ZC4H2: variants seen among roughly 807,000 people sequenced by gnomAD.
ZC4H2 encodes zinc finger C4H2-type containing.
For missense variants in ZC4H2, 137 were observed against 173.9 expected, an observed-to-expected ratio of 0.79 and a Z score of 1.19; for synonymous variants, 84 against 66.3, an observed-to-expected ratio of 1.27 and a Z score of -1.30.
intron 1 of ZC4H2, among the ~76,000 whole-genome samples, chrX:65,009,779 C>A (rs1383593446): frequency 9.0e-6 from 1 of 111,676 alleles, no homozygotes; most frequent in Admixed American, 9.5e-5. Context: ...GGGTAACCAA[C>A]ATAAATGTGA....
At chrX:64,975,263 T>A (rs1040147569) in intron 1 of ZC4H2, among the ~76,000 whole-genome samples, 3 of 110,762 alleles carry the variant, frequency 2.7e-5, no homozygotes, top group African/African-American at 9.9e-5. Flanking sequence ...TTCCCTTCCT[T>A]TACCTCTCCT....
chrX:64,961,849 G>T (rs1192672185), intron 1 of ZC4H2, among the ~76,000 whole-genome samples: 9 of 111,107 alleles, frequency 8.1e-5, no homozygotes, highest in Middle Eastern at 4.6e-3. Context: ...CATACAATCT[G>T]GCAAGACTGA....
intron 1 of ZC4H2, among the ~76,000 whole-genome samples, chrX:65,025,606 C>T (rs779811681): frequency 1.8e-5 from 2 of 111,287 alleles, no homozygotes; most frequent in African/African-American, 6.5e-5. Context: ...CCAACCAATG[C>T]CCCAAAATAT....
intron 1 of ZC4H2, 95 bp from the exon 2 acceptor site, chrX:64,922,083 T>TC (rs1319027617): frequency 8.9e-7 from 1 of 1,126,958 alleles, no homozygotes. Context: ...TTTACAAGCT[T>TC]CCCCCTCTCC....
chrX:65,012,950 C>T (rs748755296), intron 1 of ZC4H2, among the ~76,000 whole-genome samples: 2 of 111,398 alleles, frequency 1.8e-5, no homozygotes, highest in African/African-American at 6.5e-5. Flanking sequence ...CAGAAATGCT[C>T]GACAAATTTT....
intron 1 of ZC4H2, among the ~76,000 whole-genome samples, chrX:64,923,154 A>C (rs1412313373): frequency 8.9e-6 from 1 of 112,088 alleles, no homozygotes; most frequent in Non-Finnish European, 1.9e-5. Context: ...TGTGACATAG[A>C]AAATGTTGAA....
chrX:64,963,892 T>C (rs1207728335), intron 1 of ZC4H2, among the ~76,000 whole-genome samples: 1 of 111,634 alleles, frequency 9.0e-6, no homozygotes, highest in Non-Finnish European at 1.9e-5. Context: ...AGTCCTACAA[T>C]ATGAGATAAC....
intron 1 of ZC4H2, among the ~76,000 whole-genome samples, chrX:64,971,104 G>A (rs1278650261): frequency 8.9e-6 from 1 of 112,140 alleles, no homozygotes; most frequent in Admixed American, 9.4e-5. Flanking sequence ...TTTTAAAAAA[G>A]GTTTTTTAAA....
chrX:64,946,603 AC>A, intron 1 of ZC4H2, among the ~76,000 whole-genome samples: 1 of 110,314 alleles, frequency 9.1e-6, no homozygotes, highest in Non-Finnish European at 1.9e-5. Context: ...ACACACACAC[AC>A]ACACACACAC....
chrX:64,934,378 T>G (rs745532849), intron 1 of ZC4H2, among the ~76,000 whole-genome samples: 1 of 112,550 alleles, frequency 8.9e-6, no homozygotes, highest in African/African-American at 3.2e-5. Flanking sequence ...TTCTCTAATA[T>G]ATTGTGGGTG....
Position 64,976,357 on chromosome X carries a change from G to C in ZC4H2, c.21C>G (p.Ile7Met). 8.3e-7 allele frequency: 1 copy of C among 1,211,895 alleles called. No individual in the cohort carries two copies. Among genetic ancestry groups the C allele is most frequent in the Non-Finnish European group, 1.1e-6 (1 of 895,462 alleles). Residue 7 changes from isoleucine to methionine, a missense_variant, in exon 1 of 5, where the codon ATC (isoleucine) becomes ATG (methionine). Coordinates refer to ENST00000374839, the MANE Select transcript of ZC4H2 (RefSeq NM_018684.4). ...CTTTAATGCTTTCCAATTTGCACAT[G>C]ATTTCTTGCTCATCTGCCATACTTT... MADEQE[I>M]MCKLESIKEI... is the part of the protein sequence containing the mutation.
chrX:64,949,776 T>C (rs1569212623), intron 1 of ZC4H2, among the ~76,000 whole-genome samples: 1 of 111,640 alleles, frequency 9.0e-6, no homozygotes, highest in African/African-American at 3.3e-5. Flanking sequence ...CCATCAATTT[T>C]GTTGTACTTT....
intron 1 of ZC4H2, among the ~76,000 whole-genome samples, chrX:64,928,829 CCTCCTCCTCCTT>C (rs1380867531): frequency 2.0e-5 from 2 of 99,980 alleles, no homozygotes; most frequent in Non-Finnish European, 4.0e-5. Context: ...TTCTTCTCTT[CCTCCTCCTCCTT>C]CTCCTCCTCC....
intron 1 of ZC4H2, among the ~76,000 whole-genome samples, chrX:64,937,039 A>G (rs192946186): frequency 6.6e-4 from 73 of 110,712 alleles, no homozygotes; most frequent in Non-Finnish European, 1.2e-3. Context: ...ACATGCAAAG[A>G]CACACATAGG....
intron 1 of ZC4H2, among the ~76,000 whole-genome samples, chrX:64,945,511 C>T (rs1930487903): frequency 9.0e-6 from 1 of 111,556 alleles, no homozygotes; most frequent in East Asian, 2.8e-4. Context: ...TATGCGGTGT[C>T]TGTTGACTCC....
At chrX:64,972,700 A>C (rs1931821603) in intron 1 of ZC4H2, among the ~76,000 whole-genome samples, 1 of 111,747 alleles carries the variant, frequency 8.9e-6, no homozygotes, top group South Asian at 3.7e-4. Context: ...TGGGGGTAAT[A>C]ATTCCTATCC....
intron 1 of ZC4H2, among the ~76,000 whole-genome samples, chrX:65,007,491 T>A (rs1020879051): frequency 8.9e-6 from 1 of 112,422 alleles, no homozygotes; most frequent in Non-Finnish European, 1.9e-5. Flanking sequence ...ATTTTTTAAT[T>A]TTCCTCACAT....
chrX:64,930,190 C>T (rs1355045988), intron 1 of ZC4H2, among the ~76,000 whole-genome samples: 2 of 111,674 alleles, frequency 1.8e-5, no homozygotes, highest in Non-Finnish European at 3.8e-5. Flanking sequence ...TGGTATATAG[C>T]AGTGCTACTG....
intron 1 of ZC4H2, among the ~76,000 whole-genome samples, chrX:65,017,769 A>T (rs1032576716): frequency 3.6e-5 from 4 of 112,043 alleles, no homozygotes; most frequent in African/African-American, 1.3e-4. Context: ...CACTCATAAA[A>T]TGTAGGATCA....
Sources: allele counts gnomAD v4.1 joint callset (sites outside exome capture counted in the v4.1 genomes callset), GRCh38; gene constraint gnomAD v4.1.1; transcripts MANE v1.5; gene names NCBI Gene and HGNC (gene_info 2026-07-23, HGNC 2026-07-21).